FSTL5: variants seen among roughly 807,000 people sequenced by gnomAD.
FSTL5 encodes follistatin-related protein 5.
A neutral mutation model predicts 89.1 loss-of-function variants in FSTL5; 62 were observed. That is an observed-to-expected ratio of 0.70 (90% confidence interval 0.57 to 0.86). The LOEUF is 0.86. Ranked by LOEUF, FSTL5 falls within the 40% of genes least tolerant of loss-of-function variation. The pLI, the probability that FSTL5 is intolerant of heterozygous loss-of-function variation, is 0.00. For synonymous variants in FSTL5, 383 were observed against 346.2 expected, an observed-to-expected ratio of 1.11 and a Z score of -1.18; for missense variants, 1,057 against 1,001.6, an observed-to-expected ratio of 1.06 and a Z score of -0.75.
At chr4:161,490,618 A>G (rs1403701684) in intron 12 of FSTL5, among the ~76,000 whole-genome samples, 1 of 152,208 alleles carries the variant, frequency 6.6e-6, no homozygotes, top group East Asian at 1.9e-4. Context: ...TGTCTAGCAC[A>G]GAAGTGCCTT....
At chr4:161,816,383 T>G (rs1730327088) in intron 4 of FSTL5, among the ~76,000 whole-genome samples, 1 of 152,252 alleles carries the variant, frequency 6.6e-6, no homozygotes. Flanking sequence ...ATGTTTAAAA[T>G]TTAATTTTCA....
At chr4:162,099,896 A>C (rs542145511) in intron 2 of FSTL5, among the ~76,000 whole-genome samples, 1 of 152,258 alleles carries the variant, frequency 6.6e-6, no homozygotes, top group South Asian at 2.1e-4. Context: ...GGACAGCCAG[A>C]ATGCAAAATA....
At chr4:161,863,396 T>C (rs1731978823) in intron 4 of FSTL5, among the ~76,000 whole-genome samples, 1 of 152,170 alleles carries the variant, frequency 6.6e-6, no homozygotes, top group African/African-American at 2.4e-5. Flanking sequence ...GGGTGAATGC[T>C]TTTATTCGGG....
At chr4:161,979,006 T>C (rs1735741283) in intron 3 of FSTL5, among the ~76,000 whole-genome samples, 1 of 152,162 alleles carries the variant, frequency 6.6e-6, no homozygotes, top group Non-Finnish European at 1.5e-5. Context: ...TAGGGTGTAA[T>C]TTAAATGTGA....
chr4:162,002,978 A>G (rs995616906), intron 3 of FSTL5, among the ~76,000 whole-genome samples: 30 of 151,968 alleles, frequency 2.0e-4, no homozygotes, highest in Non-Finnish European at 4.0e-4. Context: ...CCCCGTCTCT[A>G]ATAAAAATAC....
At chr4:161,957,135 A>G (rs576416587) in intron 3 of FSTL5, among the ~76,000 whole-genome samples, 47 of 152,164 alleles carry the variant, frequency 3.1e-4, no homozygotes, top group African/African-American at 1.1e-3. Context: ...GGGCTATAAA[A>G]TGACAGCATT....
At chr4:161,479,346 A>G (rs1729418479) in intron 13 of FSTL5, among the ~76,000 whole-genome samples, 3 of 152,076 alleles carry the variant, frequency 2.0e-5, no homozygotes, top group African/African-American at 7.2e-5. Flanking sequence ...CATTATTTGA[A>G]GGTGGAATTA....
intron 4 of FSTL5, among the ~76,000 whole-genome samples, chr4:161,896,406 A>G (rs540837130): frequency 5.9e-5 from 9 of 152,238 alleles, no homozygotes; most frequent in African/African-American, 2.2e-4. Context: ...ACCTACATCA[A>G]TGTATTAATA....
intron 3 of FSTL5, among the ~76,000 whole-genome samples, chr4:162,030,924 T>G (rs1737496815): frequency 6.6e-6 from 1 of 152,168 alleles, no homozygotes. Context: ...ATTCTAGGTA[T>G]GTTCCTCAAA....
chr4:161,640,716 AAGG>A (rs751185494), intron 7 of FSTL5, among the ~76,000 whole-genome samples: 1 of 134,888 alleles, frequency 7.4e-6, no homozygotes, highest in Non-Finnish European at 1.5e-5. Context: ...GGATCTCCAG[AAGG>A]AGAAGAAGCA....
intron 4 of FSTL5, among the ~76,000 whole-genome samples, chr4:161,835,421 AG>A: frequency 6.6e-6 from 1 of 152,266 alleles, no homozygotes; most frequent in Admixed American, 6.5e-5. Flanking sequence ...AAACACCAAA[AG>A]TAATGGCAAC....
chr4:162,069,298 G>C (rs140895111), intron 2 of FSTL5, among the ~76,000 whole-genome samples: 153 of 152,024 alleles, frequency 1.0e-3, no homozygotes, highest in African/African-American at 3.3e-3. Context: ...TGGGTATAGA[G>C]TGATAGTTTA....
intron 5 of FSTL5, among the ~76,000 whole-genome samples, chr4:161,761,112 G>A (rs1380466791): frequency 6.6e-6 from 1 of 152,066 alleles, no homozygotes; most frequent in Non-Finnish European, 1.5e-5. Flanking sequence ...GTTACCTTGA[G>A]GAAGAAAAAA....
intron 2 of FSTL5, among the ~76,000 whole-genome samples, chr4:162,066,355 C>T (rs12503976): frequency 0.61 from 35,828 of 58,580 alleles, 11,313 homozygotes; most frequent in Middle Eastern, 0.74. Context: ...TTCTTCTTCT[C>T]CTTCTTCTTC....
At chr4:161,395,017 CAA>C (rs780107815) in intron 15 of FSTL5, among the ~76,000 whole-genome samples, 3 of 152,000 alleles carry the variant, frequency 2.0e-5, no homozygotes, top group East Asian at 1.9e-4. Flanking sequence ...AAATGAAAGA[CAA>C]GAGATAAATC....
At chr4:162,130,467 A>C (rs970599860) in intron 1 of FSTL5, among the ~76,000 whole-genome samples, 1 of 152,216 alleles carries the variant, frequency 6.6e-6, no homozygotes, top group Non-Finnish European at 1.5e-5. Flanking sequence ...TATCCTTACA[A>C]CTATATTTTT....
intron 1 of FSTL5, among the ~76,000 whole-genome samples, chr4:162,134,104 T>C (rs192765783): frequency 0.01 from 1,566 of 152,320 alleles, 15 homozygotes; most frequent in Middle Eastern, 0.024. Context: ...TTCTTAGAGC[T>C]CTAATTTCTA....
intron 6 of FSTL5, among the ~76,000 whole-genome samples, chr4:161,746,011 C>T (rs901101915): frequency 2.6e-5 from 4 of 151,928 alleles, no homozygotes; most frequent in Non-Finnish European, 5.9e-5. Flanking sequence ...AATTTTTTAT[C>T]CTTGAGTAGC....
At chr4:161,636,540 C>A (rs550103584) in intron 7 of FSTL5, among the ~76,000 whole-genome samples, 1 of 148,346 alleles carries the variant, frequency 6.7e-6, no homozygotes, top group African/African-American at 2.5e-5. Flanking sequence ...TATACATGTG[C>A]CATGCTGGTG....
Sources: gnomAD v4.1 joint callset for allele counts (sites outside exome capture counted in the v4.1 genomes callset) on GRCh38, gnomAD v4.1.1 for gene constraint, MANE v1.5 for transcripts, NCBI Gene and HGNC (gene_info 2026-07-23, HGNC 2026-07-21) for gene names.